Variants in SLC9C2 observed in about 807,000 individuals in gnomAD.
SLC9C2 encodes solute carrier family 9 member C2 (putative).
In SLC9C2, 75 loss-of-function variants were observed where a neutral mutation model predicts 140.2. The observed-to-expected ratio is 0.53, with a 90% CI of 0.44 to 0.65. The LOEUF is 0.65. Ranked by LOEUF, SLC9C2 falls within the 30% of genes least tolerant of loss-of-function variation. The pLI is 0.00. For missense variants in SLC9C2, 1,074 were observed against 1,331.8 expected, an observed-to-expected ratio of 0.81 and a Z score of 3.01; for synonymous variants, 375 against 420.9, an observed-to-expected ratio of 0.89 and a Z score of 1.34.
Position 173,540,838 on chromosome 1 carries a change from G to C in SLC9C2, c.1558-3799C>G, listed in dbSNP as rs185232932. Among the ~76,000 whole-genome samples the C allele has an allele frequency of 1.8e-3, 271 of 152,262 alleles. 2 individuals are homozygous for C. The highest frequency in any genetic ancestry group is 6.2e-3 in the African/African-American group (256 of 41,562). ...AAGCCATGGTTTGCCAGGTTGGAAA[G>C]TAAACATGTTTCTCGTCTATGGTTT... On this transcript the variant is annotated intron_variant, in intron 13 of 27. Transcript: ENST00000367714.
chr1:173,597,558 C>T, intron 4 of SLC9C2, among the ~76,000 whole-genome samples: 1 of 152,064 alleles, frequency 6.6e-6, no homozygotes, highest in East Asian at 1.9e-4. Flanking sequence ...GGCAAATCTA[C>T]AGAAACAGTT....
intron 5 of SLC9C2, among the ~76,000 whole-genome samples, chr1:173,587,184 C>T (rs1665901652): frequency 6.6e-6 from 1 of 152,050 alleles, no homozygotes; most frequent in African/African-American, 2.4e-5. Context: ...ATCCTTACCC[C>T]TTTTCTTGAA....
rs1370202738 is a variant in SLC9C2, at chr1:173,561,832, T to TCAC, written c.1047-4327_1047-4325dup. On this transcript the variant is annotated intron_variant, in intron 9 of 27. Transcript: ENST00000367714. ...ACCCATTCCCCCAAGGACTGACCAA[T>TCAC]CACATAAGATACACACACACACAGA... Among the ~76,000 whole-genome samples the TCAC allele has an allele frequency of 2.1e-5, 3 of 143,974 alleles. No homozygotes were observed. In the South Asian group the frequency reaches 6.7e-4, roughly 32 times the overall value. 94.5% of individuals were successfully genotyped at this position (143,974 alleles called of 152,430 possible). A position where few individuals can be genotyped will look rare whatever the true frequency, so the allele number is the denominator to read the frequency against.
At chr1:173,513,963 A>G (rs747081120) in intron 23 of SLC9C2, among the ~76,000 whole-genome samples, 6 of 151,226 alleles carry the variant, frequency 4.0e-5, no homozygotes, top group Non-Finnish European at 8.9e-5. Flanking sequence ...TTCAATTTCC[A>G]TGGTTTTGAG....
intron 13 of SLC9C2, among the ~76,000 whole-genome samples, chr1:173,539,815 A>G (rs1258838894): frequency 6.6e-6 from 1 of 152,178 alleles, no homozygotes; most frequent in Non-Finnish European, 1.5e-5. Flanking sequence ...CTCTTAGGAA[A>G]GCTATTCAAA....
At chr1:173,596,892 A>T (rs781151945) in intron 4 of SLC9C2, among the ~76,000 whole-genome samples, 1 of 152,048 alleles carries the variant, frequency 6.6e-6, no homozygotes, top group African/African-American at 2.4e-5. Context: ...GAAAAATAGC[A>T]ATACTTGTAG....
At chr1:173,574,825 T>A (rs757257780) in intron 8 of SLC9C2, among the ~76,000 whole-genome samples, 4 of 152,020 alleles carry the variant, frequency 2.6e-5, no homozygotes, top group Non-Finnish European at 5.9e-5. Flanking sequence ...TAAATACTTT[T>A]AAAAAAATGT....
chr1:173,577,135 T>G (rs1271765941), intron 7 of SLC9C2, among the ~76,000 whole-genome samples: 1 of 152,242 alleles, frequency 6.6e-6, no homozygotes, highest in Non-Finnish European at 1.5e-5. Context: ...TTTGTGCCAT[T>G]TTAAAATGTA....
chr1:173,600,482 T>C (rs1313819881), intron 2 of SLC9C2, among the ~76,000 whole-genome samples: 1 of 151,980 alleles, frequency 6.6e-6, no homozygotes, highest in Non-Finnish European at 1.5e-5. Context: ...TATTATAAAA[T>C]AGACTTTGTG....
rs1283545897 is a variant in SLC9C2, at chr1:173,568,991, T to C, written c.1046+4191A>G. 3.3e-5 allele frequency among the ~76,000 whole-genome samples: 5 copies of C among 152,198 alleles called. No homozygotes were observed. The East Asian group carries it at 9.6e-4, about 29-fold the overall frequency. On this transcript the variant is annotated intron_variant, in intron 9 of 27. Transcript: ENST00000367714. ...CCTTTAGCATTTCTTCTAGGAAAGGTCTGATGTTGATGAAATCCCTCAGCT... is the reference window on the plus strand; with the variant it reads ...CCTTTAGCATTTCTTCTAGGAAAGGCCTGATGTTGATGAAATCCCTCAGCT...
At chr1:173,536,848 T>G (rs1351329430) in intron 14 of SLC9C2, 94 bp downstream of exon 14, 1 of 873,542 alleles carries the variant, frequency 1.1e-6, no homozygotes, top group Non-Finnish European at 1.9e-6. Flanking sequence ...AATAATAGAT[T>G]GATCAATCAG....
chr1:173,532,046 A>G (rs1661615128), intron 17 of SLC9C2, among the ~76,000 whole-genome samples: 1 of 152,222 alleles, frequency 6.6e-6, no homozygotes, highest in African/African-American at 2.4e-5. Context: ...AACCAGGTAC[A>G]GTAACTCTGA....
intron 15 of SLC9C2, among the ~76,000 whole-genome samples, chr1:173,535,349 A>G (rs1359031096): frequency 6.6e-6 from 1 of 152,208 alleles, no homozygotes; most frequent in Non-Finnish European, 1.5e-5. Context: ...ACTAAGTAAA[A>G]TATCTACCCC....
At position 173,521,391 on chromosome 1, in the gene SLC9C2, G is replaced by T; in HGVS notation, c.2649C>A (p.Ala883=). The T allele has an allele frequency of 6.6e-7, 1 of 1,506,986 alleles. No homozygotes were observed. The allele number at this position is 1,506,986 out of a possible 1,614,324, so 93.4% of individuals were successfully genotyped here. A position where few individuals can be genotyped will look rare whatever the true frequency, so the allele number is the denominator to read the frequency against. Residue 883 remains alanine, a synonymous_variant, in exon 22 of 28, where the codon GCC becomes GCA. Coordinates refer to ENST00000367714, the MANE Select transcript of SLC9C2 (RefSeq NM_178527.4). ...CTCCAGAGTCAAAACAGGCAAGTTTGGCTCTTTCCTGAGTGGGAAAAAAAA... is the reference window on the plus strand; with the variant it reads ...CTCCAGAGTCAAAACAGGCAAGTTTTGCTCTTTCCTGAGTGGGAAAAAAAA... ...DVLIDFFKER[A]KLACFDSGDT...
Position 173,576,778 on chromosome 1 carries a change from A to AG in SLC9C2, c.803-19_803-18insC. On this transcript the variant is annotated intron_variant, in intron 7 of 27. Transcript: ENST00000367714. ...AAATTCCACTGGGGAGAAAAAAAAA[A>AG]CAAATGAATCAAATGCAATGTATTC... 1.3e-6 allele frequency: 2 copies of AG among 1,491,228 alleles called. No individual in the cohort carries two copies. The highest frequency in any genetic ancestry group is 1.4e-5 in the African/African-American group (1 of 71,250). 92.4% of individuals were successfully genotyped at this position (1,491,228 alleles called of 1,614,324 possible). A position where few individuals can be genotyped will look rare whatever the true frequency, so the allele number is the denominator to read the frequency against.
At chr1:173,576,579 T>C in intron 8 of SLC9C2, 82 bp downstream of exon 8, 1 of 760,526 alleles carries the variant, frequency 1.3e-6, no homozygotes, top group Non-Finnish European at 2.1e-6. Context: ...GGAAAAAGAG[T>C]TTTACTAGTG....
At chr1:173,521,268 TAA>T (rs5778771) in intron 22 of SLC9C2, 31 bp downstream of exon 22, 237,642 of 955,212 alleles carry the variant, frequency 0.25, 10,796 homozygotes, top group African/African-American at 0.54. Flanking sequence ...ACATTTTAAG[TAA>T]AAAAAAAAAA....
intron 8 of SLC9C2, among the ~76,000 whole-genome samples, chr1:173,574,996 T>A (rs1665083042): frequency 6.6e-6 from 1 of 152,044 alleles, no homozygotes; most frequent in African/African-American, 2.4e-5. Flanking sequence ...GGTGCATGCC[T>A]GTAGTCCCAG....
chr1:173,601,244 C>A (rs1287352657), intron 2 of SLC9C2, among the ~76,000 whole-genome samples: 1 of 152,090 alleles, frequency 6.6e-6, no homozygotes, highest in Non-Finnish European at 1.5e-5. Flanking sequence ...GCATTGTCCT[C>A]CCCTCATCTC....
Sources: gnomAD v4.1 joint callset for allele counts (sites outside exome capture counted in the v4.1 genomes callset) on GRCh38, gnomAD v4.1.1 for gene constraint, MANE v1.5 for transcripts, NCBI Gene and HGNC (gene_info 2026-07-23, HGNC 2026-07-21) for gene names.